Variants in CHAT observed in about 807,000 individuals in gnomAD.
CHAT encodes the protein acetyl CoA:choline O-acetyltransferase.
In CHAT, 61 loss-of-function variants were observed where a neutral mutation model predicts 76.9. The observed-to-expected ratio is 0.79, with a 90% confidence interval of 0.65 to 0.98. The LOEUF is 0.98. CHAT is among the 50% of genes least tolerant of loss of function. The pLI is 0.00. For synonymous variants in CHAT, 407 were observed against 397.4 expected (o/e 1.02, Z -0.29); for missense variants, 946 against 986.9 (o/e 0.96, Z 0.56).
In CHAT at chr10:49,622,101, G is replaced by A. The variant is rs748516964; in HGVS notation, c.703G>A (p.Ala235Thr). 2.5e-6 allele frequency: 3 copies of A among 1,195,202 alleles called. No homozygotes were observed. The highest frequency in any genetic ancestry group is 3.2e-5 in the South Asian group (2 of 61,952). 74.0% of individuals were successfully genotyped at this position (1,195,202 alleles called of 1,614,324 possible). ...FPGTDDQLRF[A>T]ASLISGVLSY... ...AGGCCTCCCTTCTCCCTGCAGGTTT[G>A]CAGCCAGCCTCATCTCTGGTGTACT... Residue 235 changes from alanine (A) to threonine (T), a missense_variant, in exon 5 of 15, where the codon GCA (alanine) becomes ACA (threonine). Ala to Thr is a moderately conservative substitution (Grantham distance 58, BLOSUM62 0). Coordinates refer to ENST00000337653, the MANE Select transcript of CHAT (RefSeq NM_020549.5).
Position 49,645,545 on chromosome 10 carries a change from G to A in CHAT, c.1112-960G>A, listed in dbSNP as rs529543355. On this transcript the variant is annotated intron_variant, in intron 7 of 14. Coordinates refer to ENST00000337653, the MANE Select transcript of CHAT (RefSeq NM_020549.5). Reference sequence around the variant, plus strand: ...TTTGGAAGAAATGGGAACACGCAGCGGGAGCAGGCCTGGCCCCCAACAGGT... The same window carrying A: ...TTTGGAAGAAATGGGAACACGCAGCAGGAGCAGGCCTGGCCCCCAACAGGT... Among the ~76,000 whole-genome samples the A allele has an allele frequency of 2.6e-5, 4 of 152,286 alleles. No homozygotes were observed. In the South Asian group the frequency reaches 6.2e-4, roughly 24 times the overall value.
At position 49,614,340 on chromosome 10, in the gene CHAT, C is replaced by A; in HGVS notation, c.151C>A (p.Pro51Thr). Reference sequence around the variant, plus strand: ...CGGGGACCCGGGCGACGTCGGAGGCCCTGCCGGGAACCCAGGCTGCAGCCC... The same window carrying A: ...CGGGGACCCGGGCGACGTCGGAGGCACTGCCGGGAACCCAGGCTGCAGCCC... ...GRGDPGDVGG[P>T]AGNPGCSPHP... is the part of the protein sequence containing the mutation. The change falls in exon 1 of 15, where the codon CCT becomes ACT. Residue 51 changes from proline (P) to threonine (T), a missense_variant. Physicochemically the swap from Pro to Thr is conservative, Grantham distance 38. Transcript: ENST00000337653. The A allele has an allele frequency of 6.5e-7, 1 of 1,546,988 alleles. No individual in the cohort carries two copies. Among genetic ancestry groups the A allele is most frequent in the Non-Finnish European group, 8.7e-7 (1 of 1,145,966 alleles).
At chr10:49,657,336 C>T (rs1170562086) in intron 13 of CHAT, among the ~76,000 whole-genome samples, 1 of 152,068 alleles carries the variant, frequency 6.6e-6, no homozygotes, top group African/African-American at 2.4e-5. Context: ...GCCTTAAACC[C>T]GTTTATGACC....
In CHAT at chr10:49,617,749, G is replaced by T. The variant is rs149115502; in HGVS notation, c.387+1147G>T. ...CATCACACAGACCACCCCCCCCACC[G>T]CAAGAGATGGAAGAACAAGATCAGC... On this transcript the variant is annotated intron_variant, in intron 2 of 14. Coordinates refer to ENST00000337653, the MANE Select transcript of CHAT (RefSeq NM_020549.5). Among the ~76,000 whole-genome samples the T allele has an allele frequency of 5.2e-3, 791 of 152,122 alleles. 6 individuals carry two copies. Among genetic ancestry groups the T allele is most frequent in the African/African-American group, 0.018 (751 of 41,454 alleles).
chr10:49,656,551 C>A (rs1277119044), intron 13 of CHAT, among the ~76,000 whole-genome samples: 1 of 152,178 alleles, frequency 6.6e-6, no homozygotes, highest in Middle Eastern at 3.4e-3. Flanking sequence ...CTGTGAGCCA[C>A]AAAGGATGAA....
intron 7 of CHAT, among the ~76,000 whole-genome samples, chr10:49,628,112 G>A (rs573822099): frequency 1.3e-5 from 2 of 152,138 alleles, no homozygotes; most frequent in South Asian, 2.1e-4. Context: ...GGTGGGTGGC[G>A]CTCACTGATA....
intron 7 of CHAT, among the ~76,000 whole-genome samples, chr10:49,631,237 G>C (rs576060737): frequency 4.6e-5 from 7 of 152,176 alleles, no homozygotes; most frequent in Admixed American, 3.3e-4. Flanking sequence ...AGACTGGGAG[G>C]CTTCAACAAC....
chr10:49,642,537 T>A (rs1839519049), intron 7 of CHAT, among the ~76,000 whole-genome samples: 1 of 152,248 alleles, frequency 6.6e-6, no homozygotes, highest in South Asian at 2.1e-4. Flanking sequence ...AGGGCAGTGA[T>A]GCCCAGGGAG....
chr10:49,663,011 T>C lies in CHAT; in HGVS notation c.1977+229T>C, dbSNP rs546125010. On this transcript the variant is annotated intron_variant, in intron 14 of 14. Coordinates refer to ENST00000337653, the MANE Select transcript of CHAT (RefSeq NM_020549.5). ...ACCTTGGGAGGCTGAGGCAGGAGGA[T>C]TGCTCCAGCCCAGGAGTTTGAGACC... is the stretch of plus-strand genomic sequence containing the variant. Among the ~76,000 whole-genome samples, 44 of 152,268 alleles carry C rather than the reference T, an allele frequency of 2.9e-4. 1 individual carries two copies. The South Asian group carries it at 6.0e-3, about 21-fold the overall frequency.
intron 7 of CHAT, among the ~76,000 whole-genome samples, chr10:49,627,996 T>C (rs1838986039): frequency 6.6e-6 from 1 of 151,978 alleles, no homozygotes; most frequent in Non-Finnish European, 1.5e-5. Flanking sequence ...CTGGCTTTCT[T>C]GGTGGGACTA....
intron 7 of CHAT, among the ~76,000 whole-genome samples, chr10:49,642,021 GGAATTTCC>G (rs1839497620): frequency 6.6e-6 from 1 of 152,140 alleles, no homozygotes; most frequent in Non-Finnish European, 1.5e-5. Context: ...CCTGGCCTCT[GGAATTTCC>G]ACACTACCAA....
intron 2 of CHAT, among the ~76,000 whole-genome samples, chr10:49,617,866 G>A (rs2132705602): frequency 6.6e-6 from 1 of 152,308 alleles, no homozygotes; most frequent in Admixed American, 6.5e-5. Flanking sequence ...CCCAGGGCAG[G>A]AGCAGCCCGT....
chr10:49,629,441 T>C (rs146211892), intron 7 of CHAT, among the ~76,000 whole-genome samples: 183 of 152,350 alleles, frequency 1.2e-3, no homozygotes, highest in Non-Finnish European at 1.6e-3. Context: ...ATTAATAACT[T>C]AGCATTCCGC....
upstream of CHAT, chr10:49,611,121 G>A: frequency 6.2e-7 from 1 of 1,614,130 alleles, no homozygotes; most frequent in South Asian, 1.1e-5. Flanking sequence ...TCGGGGTGCT[G>A]TTTGCTTCCA....
At chr10:49,641,057 G>A (rs2132779537) in intron 7 of CHAT, among the ~76,000 whole-genome samples, 1 of 152,330 alleles carries the variant, frequency 6.6e-6, no homozygotes, top group South Asian at 2.1e-4. Flanking sequence ...CAAGATGAAG[G>A]TGTCACAGGG....
At chr10:49,610,420 G>T, upstream of CHAT, 1 of 305,514 alleles carries the variant, frequency 3.3e-6, no homozygotes, top group East Asian at 5.1e-5. Context: ...TTAGCGCGGC[G>T]GGGGCTGCTC....
At chr10:49,610,479 G>C (rs1838260044), upstream of CHAT, 1 of 396,876 alleles carries the variant, frequency 2.5e-6, no homozygotes. Context: ...CCGGCCCCTC[G>C]GCGCGCCCGA....
At chr10:49,621,839 C>T (rs1838720734) in intron 4 of CHAT, among the ~76,000 whole-genome samples, 2 of 151,922 alleles carry the variant, frequency 1.3e-5, no homozygotes, top group African/African-American at 4.8e-5. Flanking sequence ...GTGGTGGGCT[C>T]TCGGCATGGG....
chr10:49,657,956 A>G (rs933905871), intron 13 of CHAT, among the ~76,000 whole-genome samples: 7 of 152,252 alleles, frequency 4.6e-5, no homozygotes, highest in Non-Finnish European at 7.3e-5. Flanking sequence ...TCATACATAA[A>G]TCTTCTAATC....
Sources: gnomAD v4.1 joint callset for allele counts (sites outside exome capture counted in the v4.1 genomes callset) on GRCh38, gnomAD v4.1.1 for gene constraint, MANE v1.5 for transcripts, NCBI Gene and HGNC (gene_info 2026-07-23, HGNC 2026-07-21) for gene names.